CTIF: variants seen among roughly 807,000 people sequenced by gnomAD.
The protein encoded by CTIF is cap binding complex dependent translation initiation factor, also known as CBP80/20-dependent translation initiation factor.
CTIF carries 21 observed loss-of-function variants against 66.0 expected under a neutral mutation model. That is an observed-to-expected ratio of 0.32 (90% CI 0.23 to 0.46). The LOEUF is 0.46. Ranked by LOEUF, CTIF falls within the 20% of genes least tolerant of loss-of-function variation. The pLI is 1.00. For missense variants in CTIF, 739 were observed against 812.7 expected (o/e 0.91, Z 1.10); for synonymous variants, 345 against 326.4 (o/e 1.06, Z -0.62).
chr18:48,570,370 C>T (rs2143637943), intron 1 of CTIF, among the ~76,000 whole-genome samples: 1 of 152,340 alleles, frequency 6.6e-6, no homozygotes, highest in Non-Finnish European at 1.5e-5. Context: ...TCCTGTCCTT[C>T]CATCATCAGT....
In CTIF at chr18:48,718,794, T is replaced by C. The variant is rs571229951; in HGVS notation, c.584+7099T>C. On this transcript the variant is annotated intron_variant, in intron 7 of 11. Coordinates refer to ENST00000256413, the MANE Select transcript of CTIF (RefSeq NM_014772.3). ...AACCCTTATATCTGTTCTCCAGGAT[T>C]CCTCAGACATGGTCAGGGGCCATTT... 7.2e-5 allele frequency among the ~76,000 whole-genome samples: 11 copies of C among 152,328 alleles called. No individual in the cohort carries two copies. In the East Asian group the frequency reaches 2.1e-3, roughly 29 times the overall value.
chr18:48,551,596 GTTA>G (rs2088882771), intron 1 of CTIF, among the ~76,000 whole-genome samples: 1 of 152,100 alleles, frequency 6.6e-6, no homozygotes, highest in African/African-American at 2.4e-5. Context: ...GAGTGTAGTT[GTTA>G]TTCTTCTCTT....
At chr18:48,556,007 G>A (rs2089011407) in intron 1 of CTIF, among the ~76,000 whole-genome samples, 1 of 152,208 alleles carries the variant, frequency 6.6e-6, no homozygotes, top group Admixed American at 6.5e-5. Context: ...AGGACTTTCA[G>A]CTCCCCAAGT....
chr18:48,773,270 G>A (rs974486123), intron 9 of CTIF, among the ~76,000 whole-genome samples: 2 of 152,230 alleles, frequency 1.3e-5, no homozygotes, highest in African/African-American at 4.8e-5. Flanking sequence ...ATAGGTCATA[G>A]GATGTTGGAC....
chr18:48,815,087 A>G (rs2068335162), intron 9 of CTIF, among the ~76,000 whole-genome samples: 1 of 152,200 alleles, frequency 6.6e-6, no homozygotes, highest in Admixed American at 6.5e-5. Context: ...AAAACACCAT[A>G]AGAGCTGCTC....
chr18:48,638,551 C>G (rs569182431), intron 3 of CTIF, among the ~76,000 whole-genome samples: 4 of 152,162 alleles, frequency 2.6e-5, no homozygotes, highest in African/African-American at 9.7e-5. Flanking sequence ...CCTTCCCCAC[C>G]TGCAGGAGGT....
chr18:48,610,541 C>A (rs1057220958), intron 1 of CTIF, among the ~76,000 whole-genome samples: 12 of 152,138 alleles, frequency 7.9e-5, no homozygotes, highest in African/African-American at 2.9e-4. Context: ...TAATGAGGCA[C>A]CCCCCGGGGA....
chr18:48,630,395 G>A (rs770940460), intron 2 of CTIF, among the ~76,000 whole-genome samples: 1 of 152,150 alleles, frequency 6.6e-6, no homozygotes, highest in Non-Finnish European at 1.5e-5. Flanking sequence ...TTTTGATGTA[G>A]TTTAAAATTT....
intron 9 of CTIF, among the ~76,000 whole-genome samples, chr18:48,797,975 G>T (rs952758306): frequency 2.0e-5 from 3 of 152,178 alleles, no homozygotes; most frequent in African/African-American, 7.2e-5. Flanking sequence ...AGGCCTCTCT[G>T]CTCCTCTGAC....
At chr18:48,681,983 A>C (rs1276407682) in intron 6 of CTIF, among the ~76,000 whole-genome samples, 4 of 151,850 alleles carry the variant, frequency 2.6e-5, no homozygotes, top group African/African-American at 9.7e-5. Flanking sequence ...ATGAGGTTTC[A>C]CCATGTTGGC....
At chr18:48,554,140 G>A (rs2088959870) in intron 1 of CTIF, among the ~76,000 whole-genome samples, 1 of 152,174 alleles carries the variant, frequency 6.6e-6, no homozygotes, top group African/African-American at 2.4e-5. Flanking sequence ...CTCATTTCTT[G>A]CTGTTGTTGG....
intron 1 of CTIF, among the ~76,000 whole-genome samples, chr18:48,595,043 C>A (rs2089965217): frequency 6.6e-6 from 1 of 152,244 alleles, no homozygotes; most frequent in Admixed American, 6.5e-5. Context: ...GTCATCTTGA[C>A]ATCCGTCTTC....
chr18:48,582,247 G>A (rs950563825), intron 1 of CTIF, among the ~76,000 whole-genome samples: 1 of 152,032 alleles, frequency 6.6e-6, no homozygotes, highest in Non-Finnish European at 1.5e-5. Flanking sequence ...TTGGCAAGGC[G>A]GCAGGGGGCA....
chr18:48,641,741 G>A (rs940032250), intron 3 of CTIF, among the ~76,000 whole-genome samples: 3 of 152,196 alleles, frequency 2.0e-5, no homozygotes, highest in Non-Finnish European at 4.4e-5. Flanking sequence ...TTTGCATTCT[G>A]TAACTCCGTG....
chr18:48,689,503 A>T (rs2091895499), intron 6 of CTIF, among the ~76,000 whole-genome samples: 1 of 152,154 alleles, frequency 6.6e-6, no homozygotes, highest in Admixed American at 6.5e-5. Flanking sequence ...AGCTACAGAG[A>T]ACCCTCCGCT....
chr18:48,820,925 C>T (rs770042373), intron 10 of CTIF, among the ~76,000 whole-genome samples: 5 of 152,226 alleles, frequency 3.3e-5, no homozygotes, highest in Admixed American at 6.5e-5. Context: ...CAAGCTTACT[C>T]GGTCCCCACG....
intron 7 of CTIF, among the ~76,000 whole-genome samples, chr18:48,751,719 C>G (rs1907833084): frequency 6.6e-6 from 1 of 152,148 alleles, no homozygotes; most frequent in South Asian, 2.1e-4. Context: ...ACCTTAAGAC[C>G]TGGATAGGAT....
intron 6 of CTIF, among the ~76,000 whole-genome samples, chr18:48,691,935 A>G (rs1452855276): frequency 6.6e-6 from 1 of 152,166 alleles, no homozygotes. Context: ...AGGCTAGAGC[A>G]CAGTGGTGTG....
At chr18:48,573,732 G>A (rs2143691212) in intron 1 of CTIF, among the ~76,000 whole-genome samples, 1 of 152,312 alleles carries the variant, frequency 6.6e-6, no homozygotes, top group Admixed American at 6.5e-5. Context: ...AGAGGGGTGT[G>A]GTTAGGTCAG....
Sources: gnomAD v4.1 joint callset for allele counts (sites outside exome capture counted in the v4.1 genomes callset) on GRCh38, gnomAD v4.1.1 for gene constraint, MANE v1.5 for transcripts, NCBI Gene and HGNC (gene_info 2026-07-23, HGNC 2026-07-21) for gene names.